Variants in CALB2 observed in about 807,000 individuals in gnomAD.
CALB2 encodes calretinin.
CALB2 carries 34 observed loss-of-function variants against 45.9 expected under a neutral mutation model. That is an observed-to-expected ratio of 0.74 (90% CI 0.56 to 0.99). The LOEUF is 0.99. Ranked by LOEUF, CALB2 falls within the 50% of genes least tolerant of loss-of-function variation. CALB2 has a pLI of 0.00. For missense variants in CALB2, 344 were observed against 339.3 expected, an observed-to-expected ratio of 1.01 and a Z score of -0.11; for synonymous variants, 142 against 129.6, an observed-to-expected ratio of 1.10 and a Z score of -0.65.
At chr16:71,387,389 G>T (rs1432436422) in intron 10 of CALB2, among the ~76,000 whole-genome samples, 1 of 151,936 alleles carries the variant, frequency 6.6e-6, no homozygotes, top group African/African-American at 2.4e-5. Context: ...CCTGAGGATT[G>T]AGAGAGTGAA....
intron 1 of CALB2, among the ~76,000 whole-genome samples, chr16:71,365,813 G>A (rs937229735): frequency 8.6e-5 from 13 of 151,780 alleles, no homozygotes; most frequent in Non-Finnish European, 1.0e-4. Flanking sequence ...GCTCTGAAGC[G>A]GTTCCAAGCC....
intron 3 of CALB2, among the ~76,000 whole-genome samples, chr16:71,375,428 G>C (rs571821084): frequency 6.6e-6 from 1 of 152,088 alleles, no homozygotes; most frequent in African/African-American, 2.4e-5. Context: ...AGTGCTGGCC[G>C]GACTCCGTGG....
At chr16:71,364,908 AG>A (rs2042268142) in intron 1 of CALB2, among the ~76,000 whole-genome samples, 1 of 152,230 alleles carries the variant, frequency 6.6e-6, no homozygotes, top group African/African-American at 2.4e-5. Context: ...GAAGGAGGCC[AG>A]GACCTCTGTC....
chr16:71,358,859 G>A lies in CALB2; in HGVS notation c.67G>A (p.Glu23Lys). 1 of 1,613,398 alleles carries A rather than the reference G, an allele frequency of 6.2e-7. No homozygotes were observed. ...CGAGCTGACGGCGTCCCAGTTCCTGGAAATATGGAAGCACTTTGACGCAGA... is the reference window on the plus strand; with the variant it reads ...CGAGCTGACGGCGTCCCAGTTCCTGAAAATATGGAAGCACTTTGACGCAGA... The part of the protein sequence containing the change: ...LAELTASQFL[E>K]IWKHFDADGN... The change falls in exon 1 of 11, where the codon GAA becomes AAA. Residue 23 changes from glutamate to lysine, a missense_variant. Glu to Lys is a moderately conservative substitution (Grantham distance 56). Around this residue, in one of 3 missense-constraint regions of CALB2, gnomAD observed 77 missense variants for 80.5 expected, o/e 0.96. Coordinates refer to ENST00000302628, the MANE Select transcript of CALB2 (RefSeq NM_001740.5).
intron 1 of CALB2, among the ~76,000 whole-genome samples, chr16:71,361,232 G>A (rs138646611): frequency 1.2e-3 from 186 of 152,296 alleles, no homozygotes; most frequent in Non-Finnish European, 2.1e-3. Context: ...CCATGGACCC[G>A]ACAGAGAAGG....
At chr16:71,382,016 A>AGAGGAGGAGGAGGAGGAG (rs67417266) in intron 4 of CALB2, among the ~76,000 whole-genome samples, 7 of 86,572 alleles carry the variant, frequency 8.1e-5, no homozygotes, top group Non-Finnish European at 1.1e-4. Flanking sequence ...CTGTCTCAAA[A>AGAGGAGGAGGAGGAGGAG]GAGGAGGAGG....
In CALB2 at chr16:71,390,086, C is replaced by T; in HGVS notation, c.*221C>T. ...CCCAGGCAGTCTTTGCTCAGTGGAT[C>T]ACACACATGGAAGGTGATGGGGGCA... On this transcript the variant is annotated 3_prime_UTR_variant, in exon 11 of 11. Coordinates refer to ENST00000302628, the MANE Select transcript of CALB2 (RefSeq NM_001740.5). 1.8e-6 allele frequency: 1 copy of T among 552,068 alleles called. No homozygotes were observed. The highest frequency in any genetic ancestry group is 3.2e-6 in the Non-Finnish European group (1 of 307,810). The allele number at this position is 552,068 out of a possible 1,614,324, so 34.2% of individuals were successfully genotyped here.
chr16:71,364,792 C>A (rs979037434), intron 1 of CALB2, among the ~76,000 whole-genome samples: 23 of 152,156 alleles, frequency 1.5e-4, no homozygotes, highest in African/African-American at 5.6e-4. Context: ...CACTCTGGGG[C>A]TTATTCTTTT....
chr16:71,370,354 C>G (rs958021534), intron 1 of CALB2, among the ~76,000 whole-genome samples: 3 of 152,212 alleles, frequency 2.0e-5, no homozygotes, highest in African/African-American at 7.2e-5. Flanking sequence ...AAAGCTACCA[C>G]CTCCCTTCCC....
At chr16:71,375,039 CAA>C (rs2042394691) in intron 3 of CALB2, among the ~76,000 whole-genome samples, 1 of 152,142 alleles carries the variant, frequency 6.6e-6, no homozygotes, top group Admixed American at 6.5e-5. Context: ...AAACAATGGC[CAA>C]AGATAGGGGT....
At chr16:71,360,278 T>C (rs1468167740) in intron 1 of CALB2, among the ~76,000 whole-genome samples, 1 of 152,176 alleles carries the variant, frequency 6.6e-6, no homozygotes, top group Non-Finnish European at 1.5e-5. Flanking sequence ...GGTGAAATTT[T>C]GTTTCCTTGG....
chr16:71,389,740 A>G lies in CALB2; in HGVS notation c.700-9A>G, dbSNP rs747508428. ...GAACCTGCTCTTACCCTCTCCCTGT[A>G]TTTCCTAGGAAATGAATATTCAACA... is the stretch of plus-strand genomic sequence containing the variant. On this transcript the variant is annotated splice_polypyrimidine_tract_variant and intron_variant, in intron 10 of 10. Transcript: ENST00000302628. 9 of 1,607,642 alleles carry G rather than the reference A, an allele frequency of 5.6e-6. 1 individual carries two copies. Among genetic ancestry groups the G allele is most frequent in the Non-Finnish European group, 4.3e-6 (5 of 1,174,644 alleles).
intron 4 of CALB2, among the ~76,000 whole-genome samples, chr16:71,381,868 A>C (rs2042495760): frequency 6.6e-6 from 1 of 151,934 alleles, no homozygotes; most frequent in African/African-American, 2.4e-5. Context: ...ATAAAAAATT[A>C]GTTGCGTGTG....
chr16:71,381,091 T>G (rs1311597607), intron 4 of CALB2, among the ~76,000 whole-genome samples: 1 of 152,188 alleles, frequency 6.6e-6, no homozygotes, highest in Non-Finnish European at 1.5e-5. Context: ...GTGCAGGGAC[T>G]GGGGTTCCTT....
intron 3 of CALB2, among the ~76,000 whole-genome samples, chr16:71,375,764 C>A (rs1438398940): frequency 6.6e-6 from 1 of 152,192 alleles, no homozygotes; most frequent in Non-Finnish European, 1.5e-5. Context: ...CTCGCCTTGG[C>A]TAGGCTTATA....
chr16:71,364,529 G>A, intron 1 of CALB2, among the ~76,000 whole-genome samples: 1 of 152,176 alleles, frequency 6.6e-6, no homozygotes, highest in East Asian at 1.9e-4. Flanking sequence ...TGCCAAGCCG[G>A]CCCATCTGGG....
At chr16:71,381,688 A>T (rs765098549) in intron 4 of CALB2, among the ~76,000 whole-genome samples, 1 of 151,938 alleles carries the variant, frequency 6.6e-6, no homozygotes, top group Non-Finnish European at 1.5e-5. Context: ...CTGGGGGAGA[A>T]GCGAAGAAAA....
chr16:71,379,265 T>G (rs2042455797), intron 4 of CALB2, among the ~76,000 whole-genome samples: 1 of 143,694 alleles, frequency 7.0e-6, no homozygotes, highest in Admixed American at 7.3e-5. Context: ...CGACAAAGAC[T>G]CTGTCTAATA....
rs910406332 is a variant in CALB2, at chr16:71,390,017, T to G, written c.*152T>G. ...AGAGCAGGAAATGAGAGATAGAGGA[T>G]GGGCAGCTGGGGGGCTGTCCTGAGC... On this transcript the variant is annotated 3_prime_UTR_variant, in exon 11 of 11. Coordinates refer to ENST00000302628, the MANE Select transcript of CALB2 (RefSeq NM_001740.5). 9 of 611,074 alleles carry G rather than the reference T, an allele frequency of 1.5e-5. No homozygotes were observed. The African/African-American group carries it at 1.7e-4, about 12-fold the overall frequency. 37.9% of individuals were successfully genotyped at this position (611,074 alleles called of 1,614,324 possible).
Sources: allele counts gnomAD v4.1 joint callset (sites outside exome capture counted in the v4.1 genomes callset), GRCh38; gene constraint gnomAD v4.1.1; regional missense constraint gnomAD v4.1.1; transcripts MANE v1.5; gene names NCBI Gene and HGNC (gene_info 2026-07-23, HGNC 2026-07-21).